The following HLTF variants were observed in gnomAD, a reference collection of about 807,000 sequenced individuals.
HLTF encodes the protein helicase like transcription factor, also known as DNA-dependent ATPase/E3 ubiquitin-protein ligase HLTF.
HLTF carries 127 observed loss-of-function variants against 129.4 expected under a neutral mutation model. That is an observed-to-expected ratio of 0.98 (90% CI 0.85 to 1.14). HLTF has a LOEUF of 1.14. Ranked by LOEUF, HLTF falls within the 50% of genes most tolerant of loss-of-function variation. The probability of loss-of-function intolerance (pLI) is 0.00; values close to 1 mark genes in which losing one functional copy is unlikely to be tolerated. For synonymous variants in HLTF, 332 were observed against 388.8 expected (o/e 0.85, Z 1.72); for missense variants, 1,139 against 1,187.1 (o/e 0.96, Z 0.60).
intron 24 of HLTF, among the ~76,000 whole-genome samples, chr3:149,034,200 G>A (rs1006249048): frequency 2.0e-5 from 3 of 152,064 alleles, no homozygotes; most frequent in African/African-American, 4.8e-5. Context: ...AAACCAACTC[G>A]ATAGTTGATA....
chr3:149,079,310 A>G lies in HLTF; in HGVS notation c.229-3263T>C, dbSNP rs1719661440. ...CTCAAAGAGATCCACACCTGGTCACATCATAATCAAACTGTCAAAAGAAGT... is the reference window on the plus strand; with the variant it reads ...CTCAAAGAGATCCACACCTGGTCACGTCATAATCAAACTGTCAAAAGAAGT... On this transcript the variant is annotated intron_variant, in intron 2 of 24. Transcript: ENST00000310053. Among the ~76,000 whole-genome samples, 4 of 148,198 alleles carry G rather than the reference A, an allele frequency of 2.7e-5. No individual in the cohort carries two copies. In the South Asian group the frequency reaches 8.7e-4, roughly 32 times the overall value.
chr3:149,060,398 ATTGTT>A (rs1191078892), intron 12 of HLTF, among the ~76,000 whole-genome samples: 5 of 152,156 alleles, frequency 3.3e-5, no homozygotes, highest in Non-Finnish European at 5.9e-5. Flanking sequence ...GTAGTAGAAA[ATTGTT>A]TTAAGTATAG....
At chr3:149,063,122 C>T (rs1026584806) in intron 10 of HLTF, 4 of 460,740 alleles carry the variant, frequency 8.7e-6, no homozygotes, top group Admixed American at 2.4e-5. Context: ...TGCAGTGGTG[C>T]GATCTTAACT....
chr3:149,057,446 C>A (rs903917951), intron 13 of HLTF, among the ~76,000 whole-genome samples: 5 of 151,958 alleles, frequency 3.3e-5, no homozygotes, highest in South Asian at 2.1e-4. Context: ...AACAAACAAA[C>A]AAAAAAACAG....
rs770055050 is a variant in HLTF at position 149,064,875 on chromosome 3, A to T, written c.991-9T>A. The T allele has an allele frequency of 6.6e-7, 1 of 1,518,212 alleles. No homozygotes were observed. The highest frequency in any genetic ancestry group is 2.3e-5 in the East Asian group (1 of 44,286). The allele number at this position is 1,518,212 out of a possible 1,614,324, so 94.0% of individuals were successfully genotyped here. ...TCGTTAACATTATATTCCTGGGTAA[A>T]TAGGCATATTTCTTAAACAGTACTG... On this transcript the variant is annotated splice_polypyrimidine_tract_variant and intron_variant, in intron 8 of 24. Transcript: ENST00000310053.
rs1553736652 is a variant in HLTF at position 149,036,297 on chromosome 3, G to GTTTTTTTTTGTT, written c.2797-1300_2797-1299insAACAAAAAAAAA. Reference sequence around the variant, plus strand: ...TTAAATTTTAAATTAAAACTATGAGGTTTTTTTTTTGAGATGGAGTCTCGC... The same window carrying GTTTTTTTTTGTT: ...TTAAATTTTAAATTAAAACTATGAGGTTTTTTTTTGTTTTTTTTTTTTGAGATGGAGTCTCGC... On this transcript the variant is annotated intron_variant, in intron 23 of 24. Transcript: ENST00000310053. Among the ~76,000 whole-genome samples, 47 of 107,984 alleles carry GTTTTTTTTTGTT rather than the reference G, an allele frequency of 4.4e-4. 3 individuals carry two copies. Among genetic ancestry groups the GTTTTTTTTTGTT allele is most frequent in the Admixed American group, 3.4e-3 (30 of 8,808 alleles). The allele number at this position is 107,984 out of a possible 152,430, so 70.8% of individuals were successfully genotyped here. A position where few individuals can be genotyped will look rare whatever the true frequency, so the allele number is the denominator to read the frequency against.
chr3:149,042,760 C>T (rs573048454), intron 18 of HLTF, among the ~76,000 whole-genome samples: 1 of 152,130 alleles, frequency 6.6e-6, no homozygotes, highest in African/African-American at 2.4e-5. Context: ...GCACTCTACA[C>T]TCCAAGCACC....
chr3:149,086,234 G>C (rs1720404146), intron 1 of HLTF, 83 bp downstream of exon 1: 2 of 1,403,016 alleles, frequency 1.4e-6, no homozygotes, highest in Admixed American at 3.8e-5. Context: ...AGGGAACGCA[G>C]AGGAACGCGG....
intron 3 of HLTF, 38 bp downstream of exon 3, chr3:149,075,843 T>A (rs2108057009): frequency 6.8e-7 from 1 of 1,469,600 alleles, no homozygotes; most frequent in East Asian, 2.3e-5. Context: ...ATGACTATAA[T>A]TCACAATTAT....
intron 1 of HLTF, 81 bp downstream of exon 1, chr3:149,086,236 G>T: frequency 7.1e-7 from 1 of 1,413,848 alleles, no homozygotes; most frequent in Non-Finnish European, 9.8e-7. Context: ...GGAACGCAGA[G>T]GAACGCGGGG....
chr3:149,051,554 C>T (rs1716998199), intron 14 of HLTF, among the ~76,000 whole-genome samples: 1 of 152,072 alleles, frequency 6.6e-6, no homozygotes, highest in Non-Finnish European at 1.5e-5. Flanking sequence ...CACATGATGC[C>T]TGGGGTATAA....
rs1008387257 is a variant in HLTF, at chr3:149,039,102, C to T, written c.2743G>A (p.Gly915Ser). 3 of 1,610,968 alleles carry T rather than the reference C, an allele frequency of 1.9e-6. No homozygotes were observed. Among genetic ancestry groups the T allele is most frequent in the Non-Finnish European group, 2.5e-6 (3 of 1,178,826 alleles). The change falls in exon 23 of 25, where the codon GGT becomes AGT. Residue 915 changes from glycine to serine, a missense_variant. Coordinates refer to ENST00000310053, the MANE Select transcript of HLTF (RefSeq NM_003071.4). Reference protein sequence around the residue: ...PTIMLLSLKAGGVGLNLSAAS... With the variant: ...PTIMLLSLKASGVGLNLSAAS... The stretch of plus-strand genomic sequence containing the variant: ...GCAGACAGATTCAAACCAACTCCAC[C>T]TGCTTTTAAGGACAGAAGCATTATA...
At chr3:149,081,693 T>TA (rs891750987) in intron 2 of HLTF, among the ~76,000 whole-genome samples, 2 of 152,100 alleles carry the variant, frequency 1.3e-5, no homozygotes, top group Admixed American at 6.6e-5. Flanking sequence ...TGGCAGACAT[T>TA]AAAAAAATGG....
chr3:149,039,264 A>G (rs781147669), intron 22 of HLTF, 35 bp from the exon 23 acceptor site: 5 of 1,368,752 alleles, frequency 3.7e-6, no homozygotes, highest in East Asian at 2.5e-5. Context: ...AGTAACAAAC[A>G]CTATTATTAT....
At chr3:149,085,493 A>G (rs116029935) in intron 1 of HLTF, among the ~76,000 whole-genome samples, 265 of 152,366 alleles carry the variant, frequency 1.7e-3, no homozygotes, top group African/African-American at 6.2e-3. Context: ...CATGTCAAAA[A>G]AATAATTTAA....
chr3:149,084,818 G>A lies in HLTF; in HGVS notation c.92C>T (p.Pro31Leu), dbSNP rs11559143. Residue 31 changes from proline to leucine, a missense_variant, in exon 2 of 25, where the codon CCA becomes CTA. Transcript: ENST00000310053. ...VHGNFPRLSY[P>L]TFFPRFEFQD... ...GAATTCAAAACGTGGAAAGAAAGTT[G>A]GATATGAGAGGCGTGGAAAATTTCC... 1.2e-6 allele frequency: 2 copies of A among 1,613,960 alleles called. No homozygotes were observed. The highest frequency in any genetic ancestry group is 2.2e-5 in the South Asian group (2 of 91,080).
intron 10 of HLTF, among the ~76,000 whole-genome samples, chr3:149,062,599 C>G (rs1350256036): frequency 6.6e-6 from 1 of 152,194 alleles, no homozygotes; most frequent in Non-Finnish European, 1.5e-5. Flanking sequence ...TTAACAGATT[C>G]AAGACAAGAT....
chr3:149,050,576 T>C (rs1411020677), intron 14 of HLTF, among the ~76,000 whole-genome samples: 1 of 152,144 alleles, frequency 6.6e-6, no homozygotes, highest in Non-Finnish European at 1.5e-5. Flanking sequence ...TTATTTAAAA[T>C]TTACTTGGCC....
intron 13 of HLTF, 121 bp downstream of exon 13, chr3:149,059,597 T>TA (rs1717750743): frequency 3.1e-6 from 2 of 635,724 alleles, no homozygotes; most frequent in East Asian, 5.7e-5. Context: ...TTATATACTT[T>TA]AAAAAATAGT....
Sources: gnomAD v4.1 joint callset for allele counts (sites outside exome capture counted in the v4.1 genomes callset) on GRCh38, gnomAD v4.1.1 for gene constraint, MANE v1.5 for transcripts, NCBI Gene and HGNC (gene_info 2026-07-23, HGNC 2026-07-21) for gene names.